CTBP2: variants seen among roughly 807,000 people sequenced by gnomAD.
CTBP2 encodes the protein C-terminal binding protein 2.
Under a neutral mutation model 80.3 loss-of-function variants are expected in CTBP2, and 30 were observed. The ratio of observed to expected loss-of-function variants is 0.37; its 90% CI spans 0.28 to 0.51. The LOEUF (loss-of-function observed/expected upper bound fraction) is 0.51, where lower values mean the gene tolerates loss of function less well. Ranked by LOEUF, CTBP2 falls within the 20% of genes least tolerant of loss-of-function variation. The pLI, the probability that CTBP2 is intolerant of heterozygous loss-of-function variation, is 0.93. For missense variants in CTBP2, 1,212 were observed against 1,375.3 expected (o/e 0.88, Z 1.88); for synonymous variants, 594 against 587.4 (o/e 1.01, Z -0.16).
At chr10:125,041,637 A>C (rs1223261074) in intron 2 of CTBP2, among the ~76,000 whole-genome samples, 1 of 151,896 alleles carries the variant, frequency 6.6e-6, no homozygotes, top group African/African-American at 2.4e-5. Context: ...CTCTGTTGTA[A>C]AAACAGATTT....
At chr10:125,036,670 T>G (rs751293035) in intron 3 of CTBP2, among the ~76,000 whole-genome samples, 173 of 2,352 alleles carry the variant, frequency 0.074, no homozygotes, top group Middle Eastern at 0.25. Context: ...CTAGAGGGGG[T>G]GTGTGTGTGT....
chr10:125,011,993 C>G (rs1316792313), intron 1 of CTBP2, among the ~76,000 whole-genome samples: 1 of 152,214 alleles, frequency 6.6e-6, no homozygotes, highest in African/African-American at 2.4e-5. Flanking sequence ...GTGCCATCCA[C>G]CCGGGGCAGA....
intron 2 of CTBP2, among the ~76,000 whole-genome samples, chr10:125,070,113 A>C (rs1261183738): frequency 6.6e-6 from 1 of 151,788 alleles, no homozygotes; most frequent in Non-Finnish European, 1.5e-5. Context: ...GCACTTTGGG[A>C]GGCCGAGGCA....
intron 4 of CTBP2, 127 bp downstream of exon 6, chr10:124,997,837 G>T: frequency 1.1e-6 from 1 of 941,838 alleles, no homozygotes; most frequent in African/African-American, 1.6e-5. Context: ...TGCAACACGG[G>T]GAGGGTGCTG....
intron 2 of CTBP2, among the ~76,000 whole-genome samples, chr10:125,054,387 G>A (rs1590365845): frequency 6.6e-6 from 1 of 152,142 alleles, no homozygotes; most frequent in East Asian, 1.9e-4. Context: ...TGCCATGCCA[G>A]CTGCCCTAAG....
At chr10:125,071,618 A>G (rs1270532241) in intron 2 of CTBP2, among the ~76,000 whole-genome samples, 1 of 152,230 alleles carries the variant, frequency 6.6e-6, no homozygotes. Context: ...AAGGAACAGG[A>G]GAATGGACCA....
chr10:125,020,737 CA>C (rs1460742551), intron 1 of CTBP2, among the ~76,000 whole-genome samples: 5 of 152,212 alleles, frequency 3.3e-5, no homozygotes, highest in African/African-American at 7.2e-5. Flanking sequence ...CTGTTACGCA[CA>C]AGGCCTGAGA....
intron 1 of CTBP2, among the ~76,000 whole-genome samples, chr10:125,116,948 T>C (rs985087066): frequency 6.6e-5 from 10 of 152,156 alleles, no homozygotes; most frequent in African/African-American, 2.2e-4. Flanking sequence ...CTCGAGGCCA[T>C]GAGAAGCAGC....
chr10:124,994,318 G>A (rs544710441), intron 5 of CTBP2, 151 bp downstream of exon 7: 13 of 803,480 alleles, frequency 1.6e-5, no homozygotes, highest in Middle Eastern at 3.3e-4. Context: ...GGGGCTTCAC[G>A]TGGCTTGTCA....
intron 1 of CTBP2, 145 bp downstream of exon 1, chr10:125,160,174 C>G (rs938602561): frequency 6.6e-6 from 1 of 150,724 alleles, no homozygotes; most frequent in Non-Finnish European, 1.5e-5. Flanking sequence ...CCTCGGATGC[C>G]GGCTCCGCGT....
At chr10:125,144,645 CG>C (rs1280910793) in intron 1 of CTBP2, among the ~76,000 whole-genome samples, 3 of 151,490 alleles carry the variant, frequency 2.0e-5, no homozygotes, top group African/African-American at 7.3e-5. Flanking sequence ...GTGAGGGCCT[CG>C]GGGGCGCTCC....
intron 1 of CTBP2, among the ~76,000 whole-genome samples, chr10:125,135,402 T>C (rs965925737): frequency 6.6e-6 from 1 of 152,168 alleles, no homozygotes; most frequent in African/African-American, 2.4e-5. Flanking sequence ...TCTTTTTCTA[T>C]AGAAATGCAT....
rs907986017 is a variant in CTBP2 at position 125,154,906 on chromosome 10, A to C, written c.-206+5413T>G. 2.0e-5 allele frequency among the ~76,000 whole-genome samples: 3 copies of C among 152,318 alleles called. No homozygotes were observed. The South Asian group carries it at 6.2e-4, about 32-fold the overall frequency. The stretch of plus-strand genomic sequence containing the variant: ...TCCAGCAAAAACTTATTTTAGCTGC[A>C]TTCTCCCTAATGCTACCAACAGATT... On this transcript the variant is annotated intron_variant, in intron 1 of 10. Transcript: ENST00000337195.
intron 1 of CTBP2, among the ~76,000 whole-genome samples, chr10:125,009,405 C>A (rs930042093): frequency 6.6e-6 from 1 of 152,160 alleles, no homozygotes; most frequent in South Asian, 2.1e-4. Flanking sequence ...ACTCCAGAGG[C>A]CGGGGCGGGA....
intron 2 of CTBP2, among the ~76,000 whole-genome samples, chr10:125,091,199 C>A (rs1848711748): frequency 6.6e-6 from 1 of 152,148 alleles, no homozygotes; most frequent in South Asian, 2.1e-4. Flanking sequence ...ATTGGAGAGG[C>A]CTACTGGTCT....
chr10:125,001,700 G>C (rs1000739948), intron 3 of CTBP2, among the ~76,000 whole-genome samples: 3 of 152,154 alleles, frequency 2.0e-5, no homozygotes, highest in Non-Finnish European at 4.4e-5. Flanking sequence ...ACCCCACTGC[G>C]TCCTGACCCC....
chr10:125,046,325 T>C (rs1169858842), intron 2 of CTBP2, among the ~76,000 whole-genome samples: 2 of 151,868 alleles, frequency 1.3e-5, no homozygotes, highest in Admixed American at 6.6e-5. Flanking sequence ...TCACATGAGG[T>C]CAGAAGTTCG....
intron 1 of CTBP2, among the ~76,000 whole-genome samples, chr10:125,113,123 C>G (rs1852588419): frequency 6.6e-6 from 1 of 152,204 alleles, no homozygotes; most frequent in Non-Finnish European, 1.5e-5. Context: ...GTAACCCACA[C>G]CTCTTAAGGA....
chr10:124,997,124 GGCCAGAACAT>G (rs1299188372), intron 4 of CTBP2: 3 of 152,266 alleles, frequency 2.0e-5, no homozygotes, highest in African/African-American at 7.2e-5. Flanking sequence ...GTCTCCCGGA[GGCCAGAACAT>G]TACTGGCCCC....
Sources: allele counts gnomAD v4.1 joint callset (sites outside exome capture counted in the v4.1 genomes callset), GRCh38; gene constraint gnomAD v4.1.1; transcripts MANE v1.5; gene names NCBI Gene and HGNC (gene_info 2026-07-23, HGNC 2026-07-21).